Variants in NTRK3 observed in about 807,000 individuals in gnomAD.
The protein encoded by NTRK3 is NT-3 growth factor receptor.
A neutral mutation model predicts 91.7 loss-of-function variants in NTRK3; 24 were observed. The ratio of observed to expected loss-of-function variants is 0.26; its 90% CI spans 0.19 to 0.37. The LOEUF (loss-of-function observed/expected upper bound fraction) is 0.37. Ranked by LOEUF, NTRK3 falls within the 10% of genes least tolerant of loss-of-function variation. NTRK3 has a pLI of 1.00. For missense variants in NTRK3, 880 were observed against 1,068.9 expected (o/e 0.82, Z 2.46); for synonymous variants, 483 against 404.0 (o/e 1.20, Z -2.34).
intron 3 of NTRK3, among the ~76,000 whole-genome samples, chr15:88,188,894 T>A (rs1176982974): frequency 2.0e-5 from 3 of 152,248 alleles, no homozygotes; most frequent in South Asian, 2.1e-4. Flanking sequence ...GGATTTCTCA[T>A]GCCTCTTCAT....
chr15:87,947,683 T>C, intron 14 of NTRK3, among the ~76,000 whole-genome samples: 1 of 151,770 alleles, frequency 6.6e-6, no homozygotes, highest in African/African-American at 2.4e-5. Context: ...GGGAGATTCT[T>C]GGCAGGAGAG....
intron 6 of NTRK3, among the ~76,000 whole-genome samples, chr15:88,141,548 C>A (rs2042390242): frequency 6.6e-6 from 1 of 152,232 alleles, no homozygotes; most frequent in Non-Finnish European, 1.5e-5. Flanking sequence ...CTGGTTTTCC[C>A]AGCTGCTCAC....
intron 13 of NTRK3, among the ~76,000 whole-genome samples, chr15:88,116,435 ATTT>A (rs1567446171): frequency 6.7e-6 from 1 of 150,228 alleles, no homozygotes. Flanking sequence ...AAGTACAAAA[ATTT>A]AAAAAAAAAA....
intron 13 of NTRK3, among the ~76,000 whole-genome samples, chr15:88,066,443 C>T (rs1479633403): frequency 2.0e-5 from 3 of 152,222 alleles, no homozygotes; most frequent in Non-Finnish European, 2.9e-5. Flanking sequence ...GAAATGGACA[C>T]ACAGCCCTGC....
chr15:88,020,283 G>A (rs749674287), intron 14 of NTRK3, among the ~76,000 whole-genome samples: 2 of 152,086 alleles, frequency 1.3e-5, no homozygotes, highest in Non-Finnish European at 2.9e-5. Flanking sequence ...CAGAGTTTCG[G>A]TCTCATTAAC....
chr15:88,204,047 A>G (rs1411195905), intron 3 of NTRK3, among the ~76,000 whole-genome samples: 1 of 152,054 alleles, frequency 6.6e-6, no homozygotes, highest in Non-Finnish European at 1.5e-5. Context: ...CCACCTGCCA[A>G]CAGGCCCCAG....
rs557451131 is a variant in NTRK3 at position 88,188,135 on chromosome 15, G to A, written c.249-3836C>T. On this transcript the variant is annotated intron_variant, in intron 3 of 18. Coordinates refer to ENST00000394480, the Ensembl canonical transcript of NTRK3. ...AATGCCCAAGGGACTGTGCAATTCT[G>A]CAGAGTGCATGGTGATGGCCCCCAC... Among the ~76,000 whole-genome samples, 10 of 152,246 alleles carry A rather than the reference G, an allele frequency of 6.6e-5. No individual in the cohort carries two copies. The South Asian group carries it at 1.7e-3, about 25-fold the overall frequency.
At chr15:88,066,450 C>G (rs1243537871) in intron 13 of NTRK3, among the ~76,000 whole-genome samples, 2 of 152,220 alleles carry the variant, frequency 1.3e-5, no homozygotes, top group Admixed American at 1.3e-4. Context: ...ACACACAGCC[C>G]TGCCTTTCTG....
intron 14 of NTRK3, among the ~76,000 whole-genome samples, chr15:88,012,420 T>C (rs2076945107): frequency 6.6e-6 from 1 of 152,156 alleles, no homozygotes; most frequent in Non-Finnish European, 1.5e-5. Context: ...TCCTTCTCAC[T>C]CAGGACACTC....
At chr15:88,187,304 A>G (rs2151641882) in intron 3 of NTRK3, among the ~76,000 whole-genome samples, 1 of 152,304 alleles carries the variant, frequency 6.6e-6, no homozygotes, top group Admixed American at 6.5e-5. Flanking sequence ...TAGATGCCAC[A>G]TCAGAGCAGG....
intron 3 of NTRK3, among the ~76,000 whole-genome samples, chr15:88,250,405 T>C (rs1413538805): frequency 6.6e-6 from 1 of 152,186 alleles, no homozygotes; most frequent in African/African-American, 2.4e-5. Flanking sequence ...AAAAATAAAC[T>C]CAACAATTGT....
At chr15:88,039,336 C>G (rs984347312) in intron 13 of NTRK3, among the ~76,000 whole-genome samples, 36 of 152,344 alleles carry the variant, frequency 2.4e-4, no homozygotes, top group African/African-American at 7.7e-4. Context: ...CTCAAGGGAA[C>G]AGAGGTCTGC....
intron 6 of NTRK3, among the ~76,000 whole-genome samples, chr15:88,139,199 G>C (rs2042154138): frequency 6.6e-6 from 1 of 152,126 alleles, no homozygotes; most frequent in East Asian, 1.9e-4. Flanking sequence ...TTTTCCTTAT[G>C]ACTTGAAGCA....
At chr15:88,086,651 T>C (rs780121948) in intron 13 of NTRK3, among the ~76,000 whole-genome samples, 2 of 152,206 alleles carry the variant, frequency 1.3e-5, no homozygotes, top group African/African-American at 4.8e-5. Flanking sequence ...TTAAAAATTC[T>C]AAAGCCCAGG....
chr15:88,010,947 T>C (rs2076836374), intron 14 of NTRK3, among the ~76,000 whole-genome samples: 1 of 152,086 alleles, frequency 6.6e-6, no homozygotes. Context: ...CTTCCCAAAA[T>C]GCAAATTTTC....
chr15:88,003,025 A>G (rs758348008), intron 14 of NTRK3, among the ~76,000 whole-genome samples: 15 of 152,240 alleles, frequency 9.9e-5, no homozygotes, highest in Non-Finnish European at 1.6e-4. Context: ...CAGCACATGA[A>G]TCTTTGGTTC....
chr15:88,035,362 C>T (rs912973627), intron 13 of NTRK3, among the ~76,000 whole-genome samples: 2 of 152,176 alleles, frequency 1.3e-5, no homozygotes, highest in East Asian at 1.9e-4. Flanking sequence ...TCAGAAGGCT[C>T]AGGAGAGGGC....
chr15:88,049,162 A>G (rs187863952), intron 13 of NTRK3, among the ~76,000 whole-genome samples: 1 of 152,228 alleles, frequency 6.6e-6, no homozygotes, highest in Non-Finnish European at 1.5e-5. Flanking sequence ...ACAGAAAAGC[A>G]AGTCTTGTCT....
intron 5 of NTRK3, among the ~76,000 whole-genome samples, chr15:88,150,098 T>C (rs1041468000): frequency 1.2e-4 from 19 of 152,158 alleles, no homozygotes; most frequent in African/African-American, 4.6e-4. Context: ...CAATGGGCAG[T>C]TGGTAGCCAG....
Sources: allele counts gnomAD v4.1 joint callset (sites outside exome capture counted in the v4.1 genomes callset), GRCh38; gene constraint gnomAD v4.1.1; transcripts MANE v1.5; gene names NCBI Gene and HGNC (gene_info 2026-07-23, HGNC 2026-07-21).